The following SLC22A25 variants were observed in gnomAD, a reference collection of about 807,000 sequenced individuals.
SLC22A25 encodes the protein solute carrier family 22 member 25.
A neutral mutation model predicts 45.9 loss-of-function variants in SLC22A25; 44 were observed. The ratio of observed to expected loss-of-function variants is 0.96; its 90% CI spans 0.75 to 1.23. The LOEUF is 1.23. Among genes scored for constraint, SLC22A25 ranks in the 50% most tolerant of loss-of-function variants. SLC22A25 has a pLI of 0.00. For missense variants in SLC22A25, 800 were observed against 666.4 expected, an observed-to-expected ratio of 1.20 and a Z score of -2.21; for synonymous variants, 283 against 238.6, an observed-to-expected ratio of 1.19 and a Z score of -1.72.
At chr11:63,192,491 C>T (rs1388866511) in intron 7 of SLC22A25, among the ~76,000 whole-genome samples, 1 of 152,058 alleles carries the variant, frequency 6.6e-6, no homozygotes, top group Admixed American at 6.6e-5. Flanking sequence ...CGTATCAATA[C>T]TAACCTTAAA....
chr11:63,210,897 G>C (rs1399134945), intron 7 of SLC22A25, among the ~76,000 whole-genome samples: 2 of 152,140 alleles, frequency 1.3e-5, no homozygotes, highest in Non-Finnish European at 2.9e-5. Flanking sequence ...GCTCTTGTTA[G>C]GGAGAGACTT....
Position 63,164,654 on chromosome 11 carries a change from A to G in SLC22A25, c.1286-20T>C, listed in dbSNP as rs1267704436. 5 of 1,587,542 alleles carry G rather than the reference A, an allele frequency of 3.1e-6. No homozygotes were observed. The highest frequency in any genetic ancestry group is 3.5e-6 in the Non-Finnish European group (4 of 1,156,512). ...GCATTTCTGGAGAAAGGAAGACCAC[A>G]GGGCCTCAGGAAATCTGAGCTGAAG... On this transcript the variant is annotated intron_variant, in intron 10 of 11. Transcript: ENST00000306494.
intron 7 of SLC22A25, among the ~76,000 whole-genome samples, chr11:63,201,317 C>A (rs1009976192): frequency 3.3e-5 from 5 of 152,062 alleles, no homozygotes; most frequent in Non-Finnish European, 5.9e-5. Flanking sequence ...ACACATAGAC[C>A]AATGGAACAG....
intron 7 of SLC22A25, among the ~76,000 whole-genome samples, chr11:63,190,106 G>A (rs2088742310): frequency 6.6e-6 from 1 of 152,128 alleles, no homozygotes; most frequent in Admixed American, 6.5e-5. Context: ...TGCTAGATTG[G>A]GGAAGTTCTC....
chr11:63,228,998 C>T (rs1455101422), intron 4 of SLC22A25, among the ~76,000 whole-genome samples: 2 of 152,184 alleles, frequency 1.3e-5, no homozygotes, highest in African/African-American at 4.8e-5. Flanking sequence ...ACACATTATT[C>T]ATAAATGCTT....
chr11:63,181,383 C>T (rs188956628), intron 8 of SLC22A25, among the ~76,000 whole-genome samples: 64 of 145,926 alleles, frequency 4.4e-4, no homozygotes, highest in African/African-American at 1.6e-3. Context: ...CTAATGCTAT[C>T]CTTCCCCCCT....
At chr11:63,169,956 C>A (rs1240312110) in intron 9 of SLC22A25, among the ~76,000 whole-genome samples, 5 of 152,130 alleles carry the variant, frequency 3.3e-5, no homozygotes, top group Non-Finnish European at 4.4e-5. Context: ...GAAATCATAA[C>A]AAACAAGTCT....
At chr11:63,236,397 G>T (rs2090164320) in intron 3 of SLC22A25, among the ~76,000 whole-genome samples, 1 of 152,196 alleles carries the variant, frequency 6.6e-6, no homozygotes, top group South Asian at 2.1e-4. Context: ...TCAGACTGCT[G>T]TGCTAGCAAT....
intron 11 of SLC22A25, 43 bp downstream of exon 11, chr11:63,164,482 CA>C (rs761618404): frequency 1.1e-5 from 17 of 1,521,128 alleles, no homozygotes; most frequent in Non-Finnish European, 1.5e-5. Flanking sequence ...TTGGTTGAGA[CA>C]GGTCCATTTT....
At chr11:63,197,836 G>C (rs1280291369) in intron 7 of SLC22A25, among the ~76,000 whole-genome samples, 1 of 149,966 alleles carries the variant, frequency 6.7e-6, no homozygotes, top group African/African-American at 2.5e-5. Flanking sequence ...CTCACAAAGG[G>C]CTAATATCCA....
At chr11:63,195,789 C>G (rs1286100604) in intron 7 of SLC22A25, among the ~76,000 whole-genome samples, 1 of 149,108 alleles carries the variant, frequency 6.7e-6, no homozygotes, top group South Asian at 2.1e-4. Context: ...ACACAAAGAG[C>G]TCTAAAAAAT....
chr11:63,164,456 C>T, intron 11 of SLC22A25, 70 bp downstream of exon 11: 9 of 1,316,090 alleles, frequency 6.8e-6, no homozygotes, highest in Admixed American at 4.0e-5. Context: ...GATTTTTTTC[C>T]CTTGTTAAGT....
chr11:63,188,382 G>T (rs60802120), intron 7 of SLC22A25, among the ~76,000 whole-genome samples: 1 of 151,952 alleles, frequency 6.6e-6, no homozygotes, highest in Non-Finnish European at 1.5e-5. Context: ...CTGTGGGATC[G>T]GTGGTGATAT....
intron 7 of SLC22A25, among the ~76,000 whole-genome samples, chr11:63,187,792 T>A (rs1030239773): frequency 4.8e-4 from 73 of 152,284 alleles, no homozygotes; most frequent in Non-Finnish European, 8.4e-4. Context: ...TTCTGCATCT[T>A]TTGAGATAAT....
Position 63,163,256 on chromosome 11 carries a change from G to C in SLC22A25, c.*568C>G, listed in dbSNP as rs992578059. On this transcript the variant is annotated 3_prime_UTR_variant, in exon 12 of 12. Transcript: ENST00000306494. Reference sequence around the variant, plus strand: ...GCAAGAGAAGCACAGAAAAGTTTTAGAACCTTTTCTCATTCTTCATTACTT... The same window carrying C: ...GCAAGAGAAGCACAGAAAAGTTTTACAACCTTTTCTCATTCTTCATTACTT... 2.0e-5 allele frequency among the ~76,000 whole-genome samples: 3 copies of C among 152,168 alleles called. No homozygotes were observed. The highest frequency in any genetic ancestry group is 4.4e-5 in the Non-Finnish European group (3 of 68,026).
At chr11:63,176,869 C>T (rs1041469264) in intron 9 of SLC22A25, among the ~76,000 whole-genome samples, 6 of 151,920 alleles carry the variant, frequency 3.9e-5, no homozygotes, top group Non-Finnish European at 7.4e-5. Flanking sequence ...AATATGCTCT[C>T]GTGTTGCTCA....
intron 5 of SLC22A25, among the ~76,000 whole-genome samples, chr11:63,224,063 C>A (rs1050708108): frequency 5.3e-5 from 8 of 152,050 alleles, no homozygotes; most frequent in Non-Finnish European, 1.0e-4. Flanking sequence ...GTGTTGAAAT[C>A]TCCAGCTATT....
intron 10 of SLC22A25, among the ~76,000 whole-genome samples, chr11:63,165,689 C>T (rs2087655115): frequency 6.6e-6 from 1 of 152,182 alleles, no homozygotes; most frequent in African/African-American, 2.4e-5. Context: ...ATTGTGTTCT[C>T]ATATTGGGAT....
At chr11:63,220,984 C>G (rs748069943) in intron 5 of SLC22A25, among the ~76,000 whole-genome samples, 1 of 152,158 alleles carries the variant, frequency 6.6e-6, no homozygotes, top group Non-Finnish European at 1.5e-5. Flanking sequence ...GAATAATACT[C>G]TACTTTGTAT....
Sources: allele counts gnomAD v4.1 joint callset (sites outside exome capture counted in the v4.1 genomes callset), GRCh38; gene constraint gnomAD v4.1.1; transcripts MANE v1.5; gene names NCBI Gene and HGNC (gene_info 2026-07-23, HGNC 2026-07-21).